The following ZNF653 variants were observed in gnomAD, a reference collection of about 807,000 sequenced individuals.
The protein encoded by ZNF653 is 67 kDa zinc finger protein.
Under a neutral mutation model 59.9 loss-of-function variants are expected in ZNF653, and 37 were observed. That is an observed-to-expected ratio of 0.62 (90% CI 0.48 to 0.81). The LOEUF is 0.81. ZNF653 is among the 40% of genes least tolerant of loss of function. The pLI is 0.00. For missense variants in ZNF653, 808 were observed against 881.1 expected (o/e 0.92, Z 1.05); for synonymous variants, 435 against 371.8 (o/e 1.17, Z -1.96).
chr19:11,497,968 C>T (rs564795436), intron 2 of ZNF653, among the ~76,000 whole-genome samples: 1 of 152,310 alleles, frequency 6.6e-6, no homozygotes, highest in East Asian at 1.9e-4. Context: ...AAGCTCTCAC[C>T]AACTGGTGGC....
In ZNF653 at chr19:11,487,901, C is replaced by T; in HGVS notation, c.562G>A (p.Gly188Ser). 1.3e-6 allele frequency: 2 copies of T among 1,585,096 alleles called. No homozygotes were observed. The highest frequency in any genetic ancestry group is 1.7e-6 in the Non-Finnish European group (2 of 1,163,450). ...GAGCTGCCAGCCACCAGCCCATTGC[C>T]CACTGTGGGGACAGAAGAAAGGGAG... ...SDSDPDSDKV[G>S]NGLVAGSSDS... Residue 188 changes from glycine to serine, a missense_variant and splice_region_variant, in exon 4 of 9, where the codon GGC becomes AGC. Physicochemically the swap from Gly to Ser is moderately conservative, Grantham distance 56. Transcript: ENST00000293771. This position sits in a 1 kb window ranked among gnomAD's most constrained non-coding sequence, Gnocchi z 5.1.
At chr19:11,498,234 C>T in intron 2 of ZNF653, 62 bp downstream of exon 2, 1 of 1,611,068 alleles carries the variant, frequency 6.2e-7, no homozygotes. Context: ...TCTGGGCCTC[C>T]ATCTCCATAT....
chr19:11,492,274 C>T (rs999224506), intron 3 of ZNF653, among the ~76,000 whole-genome samples: 5 of 151,890 alleles, frequency 3.3e-5, no homozygotes, highest in Admixed American at 2.0e-4. Context: ...AACTCCTGAC[C>T]TCAAGTGATC....
chr19:11,486,742 C>T, intron 6 of ZNF653, 27 bp downstream of exon 6: 1 of 1,572,910 alleles, frequency 6.4e-7, no homozygotes, highest in East Asian at 2.3e-5. Context: ...TGGGCCTGGC[C>T]CAGGCTGCTC....
At chr19:11,489,284 C>T (rs1327590633) in intron 3 of ZNF653, among the ~76,000 whole-genome samples, 1 of 152,102 alleles carries the variant, frequency 6.6e-6, no homozygotes, top group Non-Finnish European at 1.5e-5. Context: ...ACTGCAACCT[C>T]TACCTCCCAG....
chr19:11,494,737 C>T (rs921897805), intron 3 of ZNF653, among the ~76,000 whole-genome samples: 4 of 152,084 alleles, frequency 2.6e-5, no homozygotes, highest in Non-Finnish European at 1.5e-5. Context: ...TGAGTTGGGG[C>T]GTAAGTAAGC....
intron 1 of ZNF653, among the ~76,000 whole-genome samples, chr19:11,501,639 A>C (rs1971645346): frequency 6.6e-6 from 1 of 152,076 alleles, no homozygotes; most frequent in South Asian, 2.1e-4. Flanking sequence ...GCCCAACAGC[A>C]CTGGACATGG....
At position 11,487,135 on chromosome 19, in the gene ZNF653, T is replaced by C. The variant is rs1247589333; in HGVS notation, c.1195A>G (p.Lys399Glu). ...KKEKEDLCLL[K>E]KEEKEEPVAP... is the part of the protein sequence containing the mutation. ...ACTGGCTCCTCCTTCTCCTCCTTCT[T>C]TAGCAAGCACAGGTCCTCCTTCTCT... The change falls in exon 5 of 9, where the codon AAG becomes GAG. Residue 399 changes from lysine to glutamate, a missense_variant. Physicochemically the swap from Lys to Glu is moderately conservative, Grantham distance 56. Coordinates refer to ENST00000293771, the MANE Select transcript of ZNF653 (RefSeq NM_138783.4). This position sits in a 1 kb window ranked among gnomAD's most constrained non-coding sequence, Gnocchi z 5.1. 3 of 1,612,226 alleles carry C rather than the reference T, an allele frequency of 1.9e-6. No homozygotes were observed. Among genetic ancestry groups the C allele is most frequent in the Admixed American group, 3.3e-5 (2 of 59,994 alleles).
intron 1 of ZNF653, among the ~76,000 whole-genome samples, chr19:11,502,487 C>G (rs10417716): frequency 0.17 from 25,315 of 152,088 alleles, 5,153 homozygotes; most frequent in African/African-American, 0.48. Flanking sequence ...AACCTTGTAT[C>G]ACAATGTGTA....
At chr19:11,494,228 G>A (rs1333605215) in intron 3 of ZNF653, among the ~76,000 whole-genome samples, 3 of 149,886 alleles carry the variant, frequency 2.0e-5, no homozygotes, top group Non-Finnish European at 4.4e-5. Context: ...AGGCTGAGGT[G>A]AGAGAATTGC....
chr19:11,501,696 C>T (rs1263250225), intron 1 of ZNF653, among the ~76,000 whole-genome samples: 6 of 152,194 alleles, frequency 3.9e-5, no homozygotes, highest in African/African-American at 1.4e-4. Flanking sequence ...CCCAGTGCTC[C>T]ACTGGCACCG....
At position 11,484,122 on chromosome 19, in the gene ZNF653, G is replaced by A. The variant is rs901756793; in HGVS notation, c.1590C>T (p.Cys530=). 3.9e-6 allele frequency: 6 copies of A among 1,554,344 alleles called. No individual in the cohort carries two copies. The highest frequency in any genetic ancestry group is 2.4e-5 in the East Asian group (1 of 41,174). ...IIHSGVREFT[C]ETCGKSFKRK... is the part of the protein sequence containing the mutation. ...TCTTGAAGGACTTGCCGCAGGTCTC[G>A]CAGGTGAATTCACGGACACCTGGGG... The change falls in exon 8 of 9, where the codon TGC becomes TGT. Residue 530 remains cysteine (C), a synonymous_variant. Coordinates refer to ENST00000293771, the MANE Select transcript of ZNF653 (RefSeq NM_138783.4).
rs371788010 is a variant in ZNF653, at chr19:11,485,764, C to G, written c.1462G>C (p.Val488Leu). The G allele has an allele frequency of 6.2e-7, 1 of 1,613,504 alleles. No individual in the cohort carries two copies. The highest frequency in any genetic ancestry group is 1.7e-5 in the Admixed American group (1 of 59,980). The change falls in exon 7 of 9, where the codon GTC becomes CTC. Residue 488 changes from valine (V) to leucine (L), a missense_variant. Val to Leu is a conservative substitution (Grantham distance 32, BLOSUM62 1). Coordinates refer to ENST00000293771, the MANE Select transcript of ZNF653 (RefSeq NM_138783.4). ...TTTCCTTTCCGATGCACAAGATTGA[C>G]GTGGTTCTGGAGACGAGACAGGCAG... ...YVALSSFQNHVNLVHRKGKTK... is the reference protein window; with the variant it reads ...YVALSSFQNHLNLVHRKGKTK...
At position 11,505,714 on chromosome 19, in the gene ZNF653, C is replaced by T. The variant is rs1460498882; in HGVS notation, c.73G>A (p.Glu25Lys). 14 of 1,478,890 alleles carry T rather than the reference C, an allele frequency of 9.5e-6. No homozygotes were observed. Among genetic ancestry groups the T allele is most frequent in the South Asian group, 5.2e-5 (4 of 77,474 alleles). 91.6% of individuals were successfully genotyped at this position (1,478,890 alleles called of 1,614,324 possible). A position where few individuals can be genotyped will look rare whatever the true frequency, so the allele number is the denominator to read the frequency against. ...EAGAGGEAAA[E>K]EGAAGRKARG... Reference sequence around the variant, plus strand: ...GCCTTTCGGCCCGCTGCGCCCTCCTCGGCTGCTGCCTCCCCGCCCGCGCCC... The same window carrying T: ...GCCTTTCGGCCCGCTGCGCCCTCCTTGGCTGCTGCCTCCCCGCCCGCGCCC... Residue 25 changes from glutamate to lysine, a missense_variant, in exon 1 of 9, where the codon GAG (glutamate) becomes AAG (lysine). Physicochemically the swap from Glu to Lys is moderately conservative, Grantham distance 56. Coordinates refer to ENST00000293771, the MANE Select transcript of ZNF653 (RefSeq NM_138783.4).
rs562892839 is a variant in ZNF653 at position 11,487,366 on chromosome 19, G to A, written c.1097C>T (p.Thr366Ile). ...CAMMEGVAAY[T>I]QTEPEGSQPS... ...CTGGCTACCCTCGGGCTCTGTCTGG[G>A]TGTAGGCTGCCACACCCTCCATCAT... The change falls in exon 4 of 9, where the codon ACC becomes ATC. Residue 366 changes from threonine (T) to isoleucine (I), a missense_variant. Thr to Ile is a moderately conservative substitution (Grantham distance 89). Transcript: ENST00000293771. The surrounding 1 kb of genome is among the most constrained non-coding windows in gnomAD (Gnocchi z 5.1). The A allele has an allele frequency of 3.1e-6, 5 of 1,613,126 alleles. No homozygotes were observed. The South Asian group carries it at 3.3e-5, about 11-fold the overall frequency.
At chr19:11,505,174 T>G in intron 1 of ZNF653, 10 of 277,508 alleles carry the variant, frequency 3.6e-5, no homozygotes, top group East Asian at 7.1e-5. Flanking sequence ...CAGGGCCTGG[T>G]TAGTTACAAG....
rs1254657900 is a variant in ZNF653 at position 11,505,804 on chromosome 19, C to G, written c.-18G>C. On this transcript the variant is annotated 5_prime_UTR_variant, in exon 1 of 9. Coordinates refer to ENST00000293771, the MANE Select transcript of ZNF653 (RefSeq NM_138783.4). ...TCCGCCATCCCCCCCACCCTGGTTA[C>G]CAGCCTCCCCCGTTGTTAGGAGCCA... The G allele has an allele frequency of 3.0e-5, 41 of 1,364,050 alleles. No homozygotes were observed. Among genetic ancestry groups the G allele is most frequent in the Non-Finnish European group, 3.8e-5 (40 of 1,062,596 alleles). 84.5% of individuals were successfully genotyped at this position (1,364,050 alleles called of 1,614,324 possible). A position where few individuals can be genotyped will look rare whatever the true frequency, so the allele number is the denominator to read the frequency against.
chr19:11,487,291 C>A lies in ZNF653; in HGVS notation c.1171+1G>T, dbSNP rs1971478026. Reference sequence around the variant, plus strand: ...CAGAGGCCACGACAGGTCCCCCAGACCTTTCTTGGTCTCGATGCCTGCTAC... The same window carrying A: ...CAGAGGCCACGACAGGTCCCCCAGAACTTTCTTGGTCTCGATGCCTGCTAC... On this transcript the variant is annotated splice_donor_variant, in intron 4 of 8. Transcript: ENST00000293771. LOFTEE classifies it high-confidence loss of function. The surrounding 1 kb of genome is among the most constrained non-coding windows in gnomAD (Gnocchi z 5.1). 6.2e-7 allele frequency: 1 copy of A among 1,610,138 alleles called. No homozygotes were observed. The highest frequency in any genetic ancestry group is 1.3e-5 in the African/African-American group (1 of 74,830).
intron 1 of ZNF653, among the ~76,000 whole-genome samples, chr19:11,502,700 GCCAGGC>G: frequency 6.6e-6 from 1 of 152,038 alleles, no homozygotes; most frequent in Non-Finnish European, 1.5e-5. Context: ...GAAATAAAAG[GCCAGGC>G]CCAGGCCCGG....
Sources: gnomAD v4.1 joint callset for allele counts (sites outside exome capture counted in the v4.1 genomes callset) on GRCh38, gnomAD v4.1.1 for gene constraint, Gnocchi (gnomAD v3.1) non-coding constraint, MANE v1.5 for transcripts, NCBI Gene and HGNC (gene_info 2026-07-23, HGNC 2026-07-21) for gene names.